Variants in ETNK1 observed in about 807,000 individuals in gnomAD.
ETNK1 encodes putative protein product of Nbla10396.
Under a neutral mutation model 45.1 loss-of-function variants are expected in ETNK1, and 8 were observed. That is an observed-to-expected ratio of 0.18 (90% CI 0.10 to 0.32). ETNK1 has a LOEUF of 0.32. Ranked by LOEUF, ETNK1 falls within the 10% of genes least tolerant of loss-of-function variation. The probability of loss-of-function intolerance (pLI) is 1.00; values close to 1 mark genes in which losing one functional copy is unlikely to be tolerated. For synonymous variants in ETNK1, 152 were observed against 151.9 expected (o/e 1.00, Z -0.01); for missense variants, 302 against 430.6 (o/e 0.70, Z 2.64).
intron 4 of ETNK1, among the ~76,000 whole-genome samples, chr12:22,664,699 C>T (rs113102326): frequency 6.6e-6 from 1 of 152,012 alleles, no homozygotes; most frequent in African/African-American, 2.4e-5. Flanking sequence ...CATGTTGAGT[C>T]TTTTGAGATT....
chr12:22,650,181 G>GT (rs1953857187), intron 2 of ETNK1, among the ~76,000 whole-genome samples: 1 of 150,178 alleles, frequency 6.7e-6, no homozygotes, highest in Non-Finnish European at 1.5e-5. Context: ...ATTCCGCGAG[G>GT]TTTTTTTGGT....
At chr12:22,632,116 A>T (rs1953588285) in intron 1 of ETNK1, among the ~76,000 whole-genome samples, 1 of 151,344 alleles carries the variant, frequency 6.6e-6, no homozygotes, top group Non-Finnish European at 1.5e-5. Context: ...GAATGTTTTG[A>T]ATTAATTCTG....
At chr12:22,653,104 C>T (rs1213627499) in intron 2 of ETNK1, among the ~76,000 whole-genome samples, 2 of 151,984 alleles carry the variant, frequency 1.3e-5, no homozygotes, top group African/African-American at 2.4e-5. Flanking sequence ...CATTGTTCTT[C>T]TTTTCCCGTT....
At chr12:22,669,748 T>A (rs986070812) in intron 4 of ETNK1, among the ~76,000 whole-genome samples, 1 of 152,034 alleles carries the variant, frequency 6.6e-6, no homozygotes, top group African/African-American at 2.4e-5. Context: ...GGCAGGAGGA[T>A]CACTTCAGGC....
At chr12:22,672,591 T>C (rs1339902736) in intron 5 of ETNK1, among the ~76,000 whole-genome samples, 1 of 152,180 alleles carries the variant, frequency 6.6e-6, no homozygotes, top group Non-Finnish European at 1.5e-5. Context: ...CTGCCGTGGA[T>C]ATGAAATAGA....
At chr12:22,646,185 A>G (rs1953804688) in intron 2 of ETNK1, among the ~76,000 whole-genome samples, 2 of 151,880 alleles carry the variant, frequency 1.3e-5, no homozygotes, top group Admixed American at 1.3e-4. Flanking sequence ...TCTAATTCCT[A>G]TGGCATTTCT....
chr12:22,634,883 T>C (rs1371944603), intron 1 of ETNK1, among the ~76,000 whole-genome samples: 1 of 152,214 alleles, frequency 6.6e-6, no homozygotes, highest in African/African-American at 2.4e-5. Flanking sequence ...TGTTGAGTTT[T>C]TCTATTTTAT....
In ETNK1 at chr12:22,686,901, A is replaced by C. The variant is rs1954265235; in HGVS notation, c.*1947A>C. 1 of 120,974 alleles carries C rather than the reference A, an allele frequency of 8.3e-6. No homozygotes were observed. The highest frequency in any genetic ancestry group is 2.5e-4 in the South Asian group (1 of 3,994). The allele number at this position is 120,974 out of a possible 1,614,324, so 7.5% of individuals were successfully genotyped here. On this transcript the variant is annotated 3_prime_UTR_variant, in exon 8 of 8. Coordinates refer to ENST00000266517, the MANE Select transcript of ETNK1 (RefSeq NM_018638.5). ...TTTTGCTTTCTGCCTTCTAAAGTGC[A>C]ACAGTATATATCTTGTAGAACTGTG...
Position 22,688,694 on chromosome 12 carries a change from A to G in ETNK1, c.*3740A>G, listed in dbSNP as rs925586316. 5 of 152,370 alleles carry G rather than the reference A, an allele frequency of 3.3e-5. No individual in the cohort carries two copies. Among genetic ancestry groups the G allele is most frequent in the African/African-American group, 1.2e-4 (5 of 41,434 alleles). The allele number at this position is 152,370 out of a possible 1,614,324, so 9.4% of individuals were successfully genotyped here. A position where few individuals can be genotyped will look rare whatever the true frequency, so the allele number is the denominator to read the frequency against. ...TGTTGACAGTAACCTGTGCGACTTT[A>G]TGCAGAAGACAAATGCTAGTAATTA... On this transcript the variant is annotated 3_prime_UTR_variant, in exon 8 of 8. Transcript: ENST00000266517.
At chr12:22,625,676 G>C in intron 1 of ETNK1, 90 bp downstream of exon 1, 11 of 1,503,774 alleles carry the variant, frequency 7.3e-6, no homozygotes, top group East Asian at 2.5e-5. Flanking sequence ...CACGATGACC[G>C]AGGAGGACCT....
chr12:22,640,854 T>C (rs1212704714), intron 1 of ETNK1, among the ~76,000 whole-genome samples: 2 of 152,124 alleles, frequency 1.3e-5, no homozygotes, highest in Non-Finnish European at 2.9e-5. Context: ...ACTTGACAAA[T>C]AGTGCAGGAT....
Position 22,643,811 on chromosome 12 carries a change from A to G in ETNK1, c.205A>G (p.Asn69Asp), listed in dbSNP as rs753395361. The part of the protein sequence containing the change: ...TNKLIGCYVG[N>D]TMEDVVLVRI... ...TAAACTTATTGGCTGTTACGTGGGA[A>G]ACACCATGGAGGATGTAGTCCTGGT... is the stretch of plus-strand genomic sequence containing the variant. Residue 69 changes from asparagine (N) to aspartate (D), a missense_variant, in exon 2 of 8, where the codon AAC becomes GAC. Asn to Asp is a conservative substitution (Grantham distance 23). This residue lies in a region of ETNK1 where 205 missense variants were observed against 259.9 expected (regional missense o/e 0.79). Transcript: ENST00000266517. 1.9e-6 allele frequency: 3 copies of G among 1,613,224 alleles called. 1 individual carries two copies. The South Asian group carries it at 3.3e-5, about 18-fold the overall frequency.
chr12:22,654,613 C>G (rs535366875), intron 2 of ETNK1, among the ~76,000 whole-genome samples: 2 of 152,270 alleles, frequency 1.3e-5, no homozygotes, highest in Admixed American at 6.5e-5. Flanking sequence ...AGTACCTCCT[C>G]TAAGTTCTGA....
intron 4 of ETNK1, among the ~76,000 whole-genome samples, chr12:22,662,242 ATTTTTTTT>A (rs774396641): frequency 1.4e-5 from 1 of 73,432 alleles, no homozygotes; most frequent in Admixed American, 1.5e-4. Context: ...TAATTTTTGT[ATTTTTTTT>A]TTTTTTTTTT....
intron 1 of ETNK1, among the ~76,000 whole-genome samples, chr12:22,633,957 C>T (rs984564632): frequency 6.6e-6 from 1 of 151,890 alleles, no homozygotes; most frequent in African/African-American, 2.4e-5. Flanking sequence ...TGTCTTACTG[C>T]ACTAGTAAGG....
In ETNK1 at chr12:22,684,534, A is replaced by G; in HGVS notation, c.997A>G (p.Thr333Ala). 1.2e-6 allele frequency: 2 copies of G among 1,609,548 alleles called. No individual in the cohort carries two copies. The highest frequency in any genetic ancestry group is 1.7e-6 in the Non-Finnish European group (2 of 1,177,170). Residue 333 changes from threonine (T) to alanine (A), a missense_variant, in exon 7 of 8, where the codon ACT becomes GCT. Around this residue, in one of 3 missense-constraint regions of ETNK1, gnomAD observed 94 missense variants for 152.9 expected, o/e 0.61. Transcript: ENST00000266517. The stretch of plus-strand genomic sequence containing the variant: ...GGCTTTGATTCAAGCCAAATACTCC[A>G]CTATTGAGTTTGATTTCCTTGGGTA... ...LWALIQAKYS[T>A]IEFDFLGYAI...
chr12:22,655,864 T>C (rs1342410087), intron 2 of ETNK1, among the ~76,000 whole-genome samples: 1 of 152,206 alleles, frequency 6.6e-6, no homozygotes, highest in Non-Finnish European at 1.5e-5. Flanking sequence ...AAGTTCATAA[T>C]GCAAATACAG....
chr12:22,657,514 T>C (rs1953957084), intron 2 of ETNK1, among the ~76,000 whole-genome samples: 1 of 152,112 alleles, frequency 6.6e-6, no homozygotes, highest in African/African-American at 2.4e-5. Context: ...TTACCTTTTT[T>C]TTTTTCTCAC....
intron 4 of ETNK1, among the ~76,000 whole-genome samples, chr12:22,663,723 A>T (rs566073080): frequency 6.6e-6 from 1 of 152,138 alleles, no homozygotes; most frequent in Non-Finnish European, 1.5e-5. Flanking sequence ...AAAATTTTAC[A>T]GCTGTACAGA....
Sources: gnomAD v4.1 joint callset for allele counts (sites outside exome capture counted in the v4.1 genomes callset) on GRCh38, gnomAD v4.1.1 for gene constraint, gnomAD v4.1.1 regional missense constraint, MANE v1.5 for transcripts, NCBI Gene and HGNC (gene_info 2026-07-23, HGNC 2026-07-21) for gene names.